Variants in MACROD2 observed in about 807,000 individuals in gnomAD.
MACROD2 encodes ADP-ribose glycohydrolase MACROD2.
MACROD2 carries 36 observed loss-of-function variants against 70.4 expected under a neutral mutation model. That is an observed-to-expected ratio of 0.51 (90% CI 0.39 to 0.68). The LOEUF (loss-of-function observed/expected upper bound fraction) is 0.68. MACROD2 is among the 30% of genes least tolerant of loss of function. The probability of loss-of-function intolerance (pLI) is 0.00; values close to 1 mark genes in which losing one functional copy is unlikely to be tolerated. For synonymous variants in MACROD2, 172 were observed against 178.8 expected, an observed-to-expected ratio of 0.96 and a Z score of 0.30; for missense variants, 496 against 538.4, an observed-to-expected ratio of 0.92 and a Z score of 0.78.
intron 3 of MACROD2, among the ~76,000 whole-genome samples, chr20:14,268,776 C>T (rs1392883376): frequency 6.6e-6 from 1 of 152,140 alleles, no homozygotes. Flanking sequence ...AACTATATTT[C>T]CCTTTAATAT....
At chr20:15,981,204 G>A (rs1280631162) in intron 13 of MACROD2, among the ~76,000 whole-genome samples, 1 of 152,156 alleles carries the variant, frequency 6.6e-6, no homozygotes, top group Non-Finnish European at 1.5e-5. Flanking sequence ...ACCTGGTAGG[G>A]TCAGGCTAGT....
chr20:14,630,555 T>A (rs1984453114), intron 4 of MACROD2, among the ~76,000 whole-genome samples: 1 of 152,218 alleles, frequency 6.6e-6, no homozygotes, highest in South Asian at 2.1e-4. Flanking sequence ...AAATTATATA[T>A]GCAGATTACT....
At position 15,554,546 on chromosome 20, in the gene MACROD2, C is replaced by CAA. The variant is rs201068996; in HGVS notation, c.645+54713_645+54714dup. On this transcript the variant is annotated intron_variant, in intron 8 of 17. Coordinates refer to ENST00000684519, the MANE Select transcript of MACROD2 (RefSeq NM_001351661.2). Reference sequence around the variant, plus strand: ...ATACATCATGGTAGTCCTATTTGGCCAAAAAAAAAAAAAAAGAAATATCAA... The same window carrying CAA: ...ATACATCATGGTAGTCCTATTTGGCCAAAAAAAAAAAAAAAAAGAAATATCAA... 1.3e-3 allele frequency among the ~76,000 whole-genome samples: 113 copies of CAA among 89,832 alleles called. 2 individuals carry two copies. The highest frequency in any genetic ancestry group is 0.012 in the Middle Eastern group (2 of 168). 58.9% of individuals were successfully genotyped at this position (89,832 alleles called of 152,430 possible).
intron 9 of MACROD2, among the ~76,000 whole-genome samples, chr20:15,874,383 ATG>A (rs1247504346): frequency 2.6e-5 from 4 of 151,994 alleles, no homozygotes; most frequent in African/African-American, 9.7e-5. Flanking sequence ...ATACGTGTGC[ATG>A]TGTCTTCATA....
At chr20:14,167,063 G>A (rs2055278594) in intron 3 of MACROD2, among the ~76,000 whole-genome samples, 1 of 152,108 alleles carries the variant, frequency 6.6e-6, no homozygotes, top group African/African-American at 2.4e-5. Context: ...GTCAGCACAT[G>A]TACTCTTTAA....
intron 7 of MACROD2, among the ~76,000 whole-genome samples, chr20:15,480,228 G>A (rs939645683): frequency 2.6e-5 from 4 of 152,264 alleles, no homozygotes; most frequent in Non-Finnish European, 5.9e-5. Flanking sequence ...AAACCAATGT[G>A]TCTCATAATT....
At chr20:14,074,107 C>T (rs1320871138) in intron 2 of MACROD2, among the ~76,000 whole-genome samples, 2 of 152,158 alleles carry the variant, frequency 1.3e-5, no homozygotes, top group African/African-American at 4.8e-5. Context: ...GCAAGAATCC[C>T]ATCTTACCCC....
chr20:14,093,132 A>G (rs935852309), intron 3 of MACROD2, among the ~76,000 whole-genome samples: 10 of 152,188 alleles, frequency 6.6e-5, no homozygotes, highest in African/African-American at 9.7e-5. Context: ...TCAGGCTGGA[A>G]TACAGTGGCA....
intron 7 of MACROD2, among the ~76,000 whole-genome samples, chr20:15,464,505 T>C (rs2046859789): frequency 6.6e-6 from 1 of 152,214 alleles, no homozygotes; most frequent in Non-Finnish European, 1.5e-5. Context: ...CTAGCCAACC[T>C]GCTTCCTCAC....
intron 7 of MACROD2, among the ~76,000 whole-genome samples, chr20:15,467,225 C>A (rs1478138731): frequency 6.6e-6 from 1 of 152,248 alleles, no homozygotes; most frequent in Non-Finnish European, 1.5e-5. Flanking sequence ...GTACCCATCT[C>A]CTTTGCTCCT....
chr20:14,951,932 C>G (rs1236638078), intron 5 of MACROD2, among the ~76,000 whole-genome samples: 1 of 133,002 alleles, frequency 7.5e-6, no homozygotes, highest in Non-Finnish European at 1.6e-5. Context: ...TTTTTTTTTT[C>G]CAGAGCTTAT....
intron 8 of MACROD2, among the ~76,000 whole-genome samples, chr20:15,636,089 A>AGAAAG (rs2049361523): frequency 3.0e-5 from 4 of 134,982 alleles, no homozygotes; most frequent in Non-Finnish European, 6.3e-5. Flanking sequence ...AAAAAAAAAA[A>AGAAAG]AAAGAAAGAA....
intron 15 of MACROD2, among the ~76,000 whole-genome samples, chr20:16,038,170 T>C (rs1601364020): frequency 7.3e-5 from 1 of 13,684 alleles, no homozygotes; most frequent in Non-Finnish European, 5.8e-4. Flanking sequence ...ACTAGATAAC[T>C]TTTTTTTTCT....
At chr20:14,963,554 T>C (rs6043022) in intron 5 of MACROD2, among the ~76,000 whole-genome samples, 2,416 of 152,220 alleles carry the variant, frequency 0.016, 64 homozygotes, top group African/African-American at 0.053. Flanking sequence ...CTGAAACAGG[T>C]ATGCTGATTA....
At chr20:15,174,539 A>C (rs1315804151) in intron 5 of MACROD2, among the ~76,000 whole-genome samples, 1 of 152,120 alleles carries the variant, frequency 6.6e-6, no homozygotes, top group Non-Finnish European at 1.5e-5. Context: ...TGGCTGGGTC[A>C]AATGGTATTT....
chr20:14,349,561 TTA>T (rs10629434), intron 3 of MACROD2, among the ~76,000 whole-genome samples: 1 of 141,518 alleles, frequency 7.1e-6, no homozygotes, highest in Middle Eastern at 3.7e-3. Flanking sequence ...TATATTAACA[TTA>T]TATATATATA....
At chr20:14,820,242 A>T (rs914067344) in intron 5 of MACROD2, among the ~76,000 whole-genome samples, 3 of 151,998 alleles carry the variant, frequency 2.0e-5, no homozygotes, top group African/African-American at 7.2e-5. Context: ...GCCTACTTCT[A>T]TCTGCCGGCC....
At chr20:15,905,530 G>A (rs1218242602) in intron 10 of MACROD2, among the ~76,000 whole-genome samples, 1 of 152,156 alleles carries the variant, frequency 6.6e-6, no homozygotes, top group Admixed American at 6.6e-5. Context: ...CAGTCCCCGG[G>A]TTTATAGAAC....
intron 8 of MACROD2, among the ~76,000 whole-genome samples, chr20:15,858,306 T>C (rs572432100): frequency 3.0e-4 from 46 of 152,184 alleles, no homozygotes; most frequent in African/African-American, 1.1e-3. Context: ...GAAACAATGC[T>C]CCTGGGCCTC....
Sources: allele counts gnomAD v4.1 joint callset (sites outside exome capture counted in the v4.1 genomes callset), GRCh38; gene constraint gnomAD v4.1.1; transcripts MANE v1.5; gene names NCBI Gene and HGNC (gene_info 2026-07-23, HGNC 2026-07-21).